The following PPFIA2 variants were observed in gnomAD, a reference collection of about 807,000 sequenced individuals.
PPFIA2 encodes the protein liprin-alpha-2.
A neutral mutation model predicts 175.5 loss-of-function variants in PPFIA2; 46 were observed. The observed-to-expected ratio is 0.26, with a 90% CI of 0.21 to 0.34. PPFIA2 has a LOEUF of 0.34. PPFIA2 is among the 10% of genes least tolerant of loss of function. The pLI is 1.00. For synonymous variants in PPFIA2, 568 were observed against 511.4 expected, an observed-to-expected ratio of 1.11 and a Z score of -1.49; for missense variants, 1,179 against 1,506.1, an observed-to-expected ratio of 0.78 and a Z score of 3.60.
intron 4 of PPFIA2, among the ~76,000 whole-genome samples, chr12:81,631,101 G>T (rs1390964646): frequency 3.3e-5 from 5 of 152,006 alleles, no homozygotes; most frequent in Admixed American, 1.3e-4. Context: ...TTGCCATGTT[G>T]CCCAGGCTGA....
chr12:81,416,672 G>A (rs2045328437), intron 7 of PPFIA2, among the ~76,000 whole-genome samples: 1 of 151,648 alleles, frequency 6.6e-6, no homozygotes, highest in South Asian at 2.1e-4. Flanking sequence ...GATTCATACT[G>A]GTTCCTCACA....
chr12:81,319,416 C>T (rs2053171650), intron 22 of PPFIA2, among the ~76,000 whole-genome samples: 1 of 151,690 alleles, frequency 6.6e-6, no homozygotes, highest in African/African-American at 2.4e-5. Flanking sequence ...GATCACATGG[C>T]AAAGCAACAG....
chr12:81,267,321 G>GT, intron 29 of PPFIA2: 1 of 422,504 alleles, frequency 2.4e-6, no homozygotes, highest in South Asian at 1.8e-5. Flanking sequence ...TCTGAAATAT[G>GT]TAAAAACAAA....
At chr12:81,429,533 C>G (rs2047729685) in intron 7 of PPFIA2, among the ~76,000 whole-genome samples, 1 of 152,016 alleles carries the variant, frequency 6.6e-6, no homozygotes. Context: ...AAATCTCCTA[C>G]TTTCTCCATG....
chr12:81,595,649 G>T (rs1458523865), intron 4 of PPFIA2, among the ~76,000 whole-genome samples: 3 of 152,092 alleles, frequency 2.0e-5, no homozygotes, highest in Non-Finnish European at 4.4e-5. Flanking sequence ...GTATGAATGT[G>T]TTTGTCTAAA....
intron 31 of PPFIA2, among the ~76,000 whole-genome samples, chr12:81,262,387 C>G (rs1718371715): frequency 6.6e-6 from 1 of 152,094 alleles, no homozygotes; most frequent in Non-Finnish European, 1.5e-5. Flanking sequence ...AACTTCTACA[C>G]TAATTGTAAT....
intron 4 of PPFIA2, among the ~76,000 whole-genome samples, chr12:81,514,356 G>A (rs569226455): frequency 6.6e-6 from 1 of 151,878 alleles, no homozygotes; most frequent in East Asian, 1.9e-4. Context: ...CAGAATTAAG[G>A]TCTTCACTGT....
At chr12:81,584,602 T>A (rs1421355059) in intron 4 of PPFIA2, among the ~76,000 whole-genome samples, 2 of 151,044 alleles carry the variant, frequency 1.3e-5, no homozygotes, top group African/African-American at 4.9e-5. Flanking sequence ...TAAATCTAGA[T>A]GGCGAGCCTA....
chr12:81,651,129 C>G (rs564334369), intron 4 of PPFIA2, among the ~76,000 whole-genome samples: 2 of 152,254 alleles, frequency 1.3e-5, no homozygotes, highest in African/African-American at 4.8e-5. Context: ...TATAGTAAAG[C>G]TGTAGACCCC....
intron 3 of PPFIA2, among the ~76,000 whole-genome samples, chr12:81,698,942 T>C (rs754751424): frequency 2.0e-5 from 3 of 152,226 alleles, no homozygotes; most frequent in Non-Finnish European, 1.5e-5. Context: ...GACTTTATTA[T>C]AAGCGTTGGT....
intron 24 of PPFIA2, chr12:81,294,439 T>TAGGGAGGAAGGA (rs2045914779): frequency 8.6e-6 from 1 of 116,308 alleles, no homozygotes. Context: ...GGAAGGTAGG[T>TAGGGAGGAAGGA]AGGAAGGAAG....
At chr12:81,422,001 G>C (rs1039077724) in intron 7 of PPFIA2, among the ~76,000 whole-genome samples, 5 of 150,792 alleles carry the variant, frequency 3.3e-5, no homozygotes, top group African/African-American at 1.2e-4. Flanking sequence ...TTTAAGTCTA[G>C]AACTGTCTCT....
chr12:81,555,538 A>G (rs1450683456), intron 4 of PPFIA2, among the ~76,000 whole-genome samples: 4 of 151,996 alleles, frequency 2.6e-5, no homozygotes, highest in African/African-American at 9.7e-5. Context: ...TATAAATCTT[A>G]ACAGGCACAA....
chr12:81,537,507 G>T (rs1026758959), intron 4 of PPFIA2, among the ~76,000 whole-genome samples: 2 of 151,740 alleles, frequency 1.3e-5, no homozygotes, highest in Non-Finnish European at 2.9e-5. Context: ...CCAAATAAAA[G>T]AACTGAGTGT....
intron 3 of PPFIA2, among the ~76,000 whole-genome samples, chr12:81,718,944 C>T (rs1028433762): frequency 1.3e-5 from 2 of 151,714 alleles, no homozygotes; most frequent in Admixed American, 6.6e-5. Flanking sequence ...ATTTTCTTTA[C>T]ATGCAGTGGT....
intron 4 of PPFIA2, among the ~76,000 whole-genome samples, chr12:81,468,006 A>G (rs2056024955): frequency 2.0e-5 from 3 of 152,136 alleles, no homozygotes; most frequent in Admixed American, 2.0e-4. Flanking sequence ...AAGGAGACAA[A>G]CCCAACGGCT....
intron 4 of PPFIA2, among the ~76,000 whole-genome samples, chr12:81,655,614 A>T (rs1036446768): frequency 3.3e-5 from 5 of 151,936 alleles, no homozygotes; most frequent in African/African-American, 1.2e-4. Flanking sequence ...TATTATTTTT[A>T]AAATTTTCAT....
intron 3 of PPFIA2, among the ~76,000 whole-genome samples, chr12:81,695,171 G>A (rs1220259902): frequency 6.6e-6 from 1 of 152,118 alleles, no homozygotes; most frequent in Non-Finnish European, 1.5e-5. Flanking sequence ...GGACTTTTGA[G>A]AAGGCATGAT....
chr12:81,756,382 C>G (rs2084666164), intron 2 of PPFIA2, among the ~76,000 whole-genome samples: 1 of 152,074 alleles, frequency 6.6e-6, no homozygotes, highest in African/African-American at 2.4e-5. Flanking sequence ...AGTGAATACC[C>G]CAATATAATT....
Sources: gnomAD v4.1 joint callset for allele counts (sites outside exome capture counted in the v4.1 genomes callset) on GRCh38, gnomAD v4.1.1 for gene constraint, MANE v1.5 for transcripts, NCBI Gene and HGNC (gene_info 2026-07-23, HGNC 2026-07-21) for gene names.